SH3GL2: variants seen among roughly 807,000 people sequenced by gnomAD.
SH3GL2 encodes the protein SH3 domain containing GRB2 like 2, endophilin A1.
In SH3GL2, 24 loss-of-function variants were observed where a neutral mutation model predicts 46.0. That is an observed-to-expected ratio of 0.52 (90% CI 0.38 to 0.73). SH3GL2 has a LOEUF of 0.73. Ranked by LOEUF, SH3GL2 falls within the 30% of genes least tolerant of loss-of-function variation. SH3GL2 has a pLI of 0.00. For missense variants in SH3GL2, 413 were observed against 424.2 expected, an observed-to-expected ratio of 0.97 and a Z score of 0.23; for synonymous variants, 196 against 147.1, an observed-to-expected ratio of 1.33 and a Z score of -2.40.
chr9:17,686,557 A>G (rs1477768562), intron 1 of SH3GL2, among the ~76,000 whole-genome samples: 2 of 148,116 alleles, frequency 1.4e-5, no homozygotes, highest in East Asian at 3.9e-4. Context: ...CAACAATGAT[A>G]GACTGGATTG....
intron 1 of SH3GL2, among the ~76,000 whole-genome samples, chr9:17,632,204 C>CA (rs367844582): frequency 2.0e-5 from 3 of 151,932 alleles, no homozygotes; most frequent in African/African-American, 7.2e-5. Flanking sequence ...ATCTTAGTAC[C>CA]AAAAAAATAA....
chr9:17,716,058 A>T (rs533909685), intron 1 of SH3GL2, among the ~76,000 whole-genome samples: 1 of 152,062 alleles, frequency 6.6e-6, no homozygotes, highest in Non-Finnish European at 1.5e-5. Context: ...AGGACTGTCT[A>T]TGTTTGTACG....
intron 3 of SH3GL2, among the ~76,000 whole-genome samples, chr9:17,774,786 G>A (rs1428405645): frequency 1.3e-5 from 2 of 152,150 alleles, no homozygotes; most frequent in Non-Finnish European, 2.9e-5. Flanking sequence ...TTGCTATCAA[G>A]ATAATGCTGT....
intron 4 of SH3GL2, 85 bp downstream of exon 4, chr9:17,786,609 C>G (rs1223959165): frequency 5.0e-6 from 7 of 1,405,788 alleles, no homozygotes; most frequent in Non-Finnish European, 7.0e-6. Context: ...GGGAATCGGT[C>G]AAATCATTTT....
At chr9:17,738,407 A>G (rs1822404182) in intron 1 of SH3GL2, among the ~76,000 whole-genome samples, 3 of 143,438 alleles carry the variant, frequency 2.1e-5, no homozygotes, top group South Asian at 2.3e-4. Context: ...TGCAGCAGGT[A>G]GAAATTGTAG....
intron 1 of SH3GL2, among the ~76,000 whole-genome samples, chr9:17,639,306 T>C: frequency 6.6e-6 from 1 of 152,080 alleles, no homozygotes; most frequent in East Asian, 1.9e-4. Context: ...AAAGCAAAAA[T>C]CTAATGAAAT....
intron 1 of SH3GL2, among the ~76,000 whole-genome samples, chr9:17,712,317 A>T (rs1050527609): frequency 2.0e-5 from 3 of 151,804 alleles, no homozygotes; most frequent in African/African-American, 7.2e-5. Context: ...TTTTGATAAA[A>T]ATCTAGTTCA....
chr9:17,614,307 A>G (rs1818938144), intron 1 of SH3GL2, among the ~76,000 whole-genome samples: 1 of 150,278 alleles, frequency 6.7e-6, no homozygotes, highest in African/African-American at 2.5e-5. Context: ...AAAAAAAAAA[A>G]AAAAAAAAAA....
chr9:17,684,855 C>G (rs1820863887), intron 1 of SH3GL2, among the ~76,000 whole-genome samples: 1 of 151,994 alleles, frequency 6.6e-6, no homozygotes, highest in African/African-American at 2.4e-5. Context: ...TGAAAGAAAG[C>G]AAATATAAGT....
chr9:17,585,461 G>A (rs560010528), intron 1 of SH3GL2, among the ~76,000 whole-genome samples: 1 of 152,096 alleles, frequency 6.6e-6, no homozygotes, highest in Non-Finnish European at 1.5e-5. Context: ...GTTCAGTGAG[G>A]TGTAGCCACA....
chr9:17,673,212 G>A (rs1433630973), intron 1 of SH3GL2, among the ~76,000 whole-genome samples: 3 of 151,852 alleles, frequency 2.0e-5, no homozygotes, highest in African/African-American at 4.8e-5. Flanking sequence ...GCAGTGGTGC[G>A]ATTATGGCTC....
At chr9:17,733,718 T>G (rs201145873) in intron 1 of SH3GL2, among the ~76,000 whole-genome samples, 2 of 151,940 alleles carry the variant, frequency 1.3e-5, no homozygotes, top group African/African-American at 4.8e-5. Context: ...TTGGAACCAA[T>G]CCAAATGTCC....
intron 1 of SH3GL2, among the ~76,000 whole-genome samples, chr9:17,657,748 T>A (rs184769493): frequency 5.3e-5 from 8 of 152,272 alleles, no homozygotes; most frequent in Non-Finnish European, 8.8e-5. Flanking sequence ...ACAATAATGG[T>A]TGTTCTTACA....
At chr9:17,760,332 A>T (rs920789225) in intron 2 of SH3GL2, among the ~76,000 whole-genome samples, 1 of 152,168 alleles carries the variant, frequency 6.6e-6, no homozygotes, top group Non-Finnish European at 1.5e-5. Flanking sequence ...ATTATTAAGT[A>T]TTGAAAAACT....
chr9:17,605,558 T>C (rs1486663089), intron 1 of SH3GL2, among the ~76,000 whole-genome samples: 2 of 152,180 alleles, frequency 1.3e-5, no homozygotes, highest in Non-Finnish European at 2.9e-5. Flanking sequence ...ATAGTCCTAG[T>C]ACCTGAGAGC....
chr9:17,631,353 T>C (rs1273093175), intron 1 of SH3GL2, among the ~76,000 whole-genome samples: 1 of 152,182 alleles, frequency 6.6e-6, no homozygotes, highest in Non-Finnish European at 1.5e-5. Flanking sequence ...CAGTGTAGTG[T>C]TCTGACATCC....
chr9:17,604,092 A>G (rs547421644), intron 1 of SH3GL2, among the ~76,000 whole-genome samples: 3 of 152,292 alleles, frequency 2.0e-5, no homozygotes, highest in East Asian at 1.9e-4. Flanking sequence ...GCTGGTGGGA[A>G]GGGTCCTTAG....
At chr9:17,594,933 A>G (rs939595436) in intron 1 of SH3GL2, among the ~76,000 whole-genome samples, 3 of 152,198 alleles carry the variant, frequency 2.0e-5, no homozygotes, top group African/African-American at 7.2e-5. Flanking sequence ...AAAATACATC[A>G]CCGATTTCTA....
intron 1 of SH3GL2, chr9:17,590,625 A>T (rs1818463833): frequency 6.6e-6 from 1 of 152,176 alleles, no homozygotes; most frequent in Non-Finnish European, 1.5e-5. Flanking sequence ...AATTTTGCAG[A>T]TATATTTATA....
Sources: gnomAD v4.1 joint callset for allele counts (sites outside exome capture counted in the v4.1 genomes callset) on GRCh38, gnomAD v4.1.1 for gene constraint, MANE v1.5 for transcripts, NCBI Gene and HGNC (gene_info 2026-07-23, HGNC 2026-07-21) for gene names.